The following MDGA1 variants were observed in gnomAD, a reference collection of about 807,000 sequenced individuals.
MDGA1 encodes MAM domain-containing glycosylphosphatidylinositol anchor protein 1.
A neutral mutation model predicts 101.5 loss-of-function variants in MDGA1; 54 were observed. The observed-to-expected ratio is 0.53, with a 90% CI of 0.43 to 0.67. The LOEUF is 0.67. Ranked by LOEUF, MDGA1 falls within the 30% of genes least tolerant of loss-of-function variation. MDGA1 has a pLI of 0.00. For missense variants in MDGA1, 1,083 were observed against 1,323.8 expected, an observed-to-expected ratio of 0.82 and a Z score of 2.82; for synonymous variants, 533 against 558.3, an observed-to-expected ratio of 0.95 and a Z score of 0.64.
chr6:37,652,132 G>C lies in MDGA1; in HGVS notation c.1191C>G (p.Thr397=), dbSNP rs768355120. 1 of 1,613,922 alleles carries C rather than the reference G, an allele frequency of 6.2e-7. No homozygotes were observed. Among genetic ancestry groups the C allele is most frequent in the South Asian group, 1.1e-5 (1 of 91,084 alleles). Residue 397 remains threonine, a synonymous_variant, in exon 7 of 17, where the codon ACC becomes ACG. Transcript: ENST00000434837. This position sits in a 1 kb window ranked among gnomAD's most constrained non-coding sequence, Gnocchi z 4.3. ...TRNDPELPAV[T]SSLELIDLHF... ...GCAGGTCAATGAGCTCTAGGCTGCT[G>C]GTGACTGCGGGCAGCTCAGGATCAT... is the stretch of plus-strand genomic sequence containing the variant.
At position 37,638,494 on chromosome 6, in the gene MDGA1, AC is replaced by A; in HGVS notation, c.2667+42del. 5.0e-6 allele frequency: 8 copies of A among 1,610,792 alleles called. No individual in the cohort carries two copies. The highest frequency in any genetic ancestry group is 6.8e-6 in the Non-Finnish European group (8 of 1,177,922). ...TCCTAAGTGTTTCCTGGCCACAGCA[AC>A]CACCGAAGCCGGGGAGGGTCCTCTG... is the stretch of plus-strand genomic sequence containing the variant. On this transcript the variant is annotated intron_variant, in intron 15 of 16. Coordinates refer to ENST00000434837, the MANE Select transcript of MDGA1 (RefSeq NM_153487.4). This position sits in a 1 kb window ranked among gnomAD's most constrained non-coding sequence, Gnocchi z 4.8.
At chr6:37,676,296 G>A (rs1236990268) in intron 1 of MDGA1, among the ~76,000 whole-genome samples, 1 of 152,238 alleles carries the variant, frequency 6.6e-6, no homozygotes, top group Non-Finnish European at 1.5e-5. Context: ...CAGAGCCTGG[G>A]CCAGGAAGTG....
rs1044514491 is a variant in MDGA1, at chr6:37,655,511, T to C, written c.579+189A>G. The stretch of plus-strand genomic sequence containing the variant: ...TGCCTCGGGGACACTCCTGCCCTCA[T>C]TGCTGCTCCCTGACCTTTCCATCTG... On this transcript the variant is annotated intron_variant, in intron 4 of 16. Coordinates refer to ENST00000434837, the MANE Select transcript of MDGA1 (RefSeq NM_153487.4). The surrounding 1 kb of genome is among the most constrained non-coding windows in gnomAD (Gnocchi z 5.1). The C allele has an allele frequency of 2.2e-5, 13 of 579,398 alleles. No individual in the cohort carries two copies. The African/African-American group carries it at 2.4e-4, about 11-fold the overall frequency. 35.9% of individuals were successfully genotyped at this position (579,398 alleles called of 1,614,324 possible). A position where few individuals can be genotyped will look rare whatever the true frequency, so the allele number is the denominator to read the frequency against.
rs1763827127 is a variant in MDGA1, at chr6:37,631,732, C to T, written c.*5636G>A. 1 of 152,090 alleles carries T rather than the reference C, an allele frequency of 6.6e-6. No individual in the cohort carries two copies. Among genetic ancestry groups the T allele is most frequent in the African/African-American group, 2.4e-5 (1 of 41,406 alleles). The allele number at this position is 152,090 out of a possible 1,614,324, so 9.4% of individuals were successfully genotyped here. A position where few individuals can be genotyped will look rare whatever the true frequency, so the allele number is the denominator to read the frequency against. On this transcript the variant is annotated 3_prime_UTR_variant, in exon 17 of 17. Transcript: ENST00000434837. The stretch of plus-strand genomic sequence containing the variant: ...GAAATAAGTGACCTTTAAGGACCTC[C>T]TAGCTCTGAAATTCTAGAATTCTGA...
chr6:37,694,447 G>C (rs540469996), intron 1 of MDGA1, among the ~76,000 whole-genome samples: 1 of 152,332 alleles, frequency 6.6e-6, no homozygotes, highest in Non-Finnish European at 1.5e-5. Flanking sequence ...GCAATGCCAG[G>C]CTGGAGTGGC....
In MDGA1 at chr6:37,697,332, C is replaced by G. The variant is rs1023326784; in HGVS notation, c.-521G>C. The G allele has an allele frequency of 6.6e-6, 1 of 152,272 alleles. No individual in the cohort carries two copies. The highest frequency in any genetic ancestry group is 1.5e-5 in the Non-Finnish European group (1 of 68,130). 9.4% of individuals were successfully genotyped at this position (152,272 alleles called of 1,614,324 possible). ...GGCCGCTGCCGTGGGCTCAGCGGCC[C>G]GACTCCAGGGGGCCGGGCTGAAAGC... On this transcript the variant is annotated 5_prime_UTR_variant, in exon 1 of 17. Transcript: ENST00000434837.
Position 37,648,612 on chromosome 6 carries a change from T to C in MDGA1, c.1894+370A>G, listed in dbSNP as rs1183019304. 3 of 312,516 alleles carry C rather than the reference T, an allele frequency of 9.6e-6. No homozygotes were observed. The East Asian group carries it at 2.0e-4, about 20-fold the overall frequency. 19.4% of individuals were successfully genotyped at this position (312,516 alleles called of 1,614,324 possible). On this transcript the variant is annotated intron_variant, in intron 9 of 16. Coordinates refer to ENST00000434837, the MANE Select transcript of MDGA1 (RefSeq NM_153487.4). ...CCTAGGCCTGTGGGAAGGCTATGTT[T>C]GAAAGCGGCGCGGTTGTCACACGCC...
intron 1 of MDGA1, among the ~76,000 whole-genome samples, chr6:37,689,621 A>G (rs1294795555): frequency 6.6e-6 from 1 of 152,188 alleles, no homozygotes; most frequent in Non-Finnish European, 1.5e-5. Context: ...TGTGGGGCAG[A>G]GCTGGGATTC....
Position 37,658,423 on chromosome 6 carries a change from G to C in MDGA1, c.208-4C>G, listed in dbSNP as rs774696673. The stretch of plus-strand genomic sequence containing the variant: ...CTGCCGTCTTGGTCCACCGTACCTG[G>C]GCCGCCAGGCGGGGCAGAGTCAGAC... On this transcript the variant is annotated splice_region_variant and splice_polypyrimidine_tract_variant and intron_variant, in intron 2 of 16. Transcript: ENST00000434837. 8 of 1,602,656 alleles carry C rather than the reference G, an allele frequency of 5.0e-6. No individual in the cohort carries two copies. The highest frequency in any genetic ancestry group is 6.8e-6 in the Non-Finnish European group (8 of 1,174,330).
chr6:37,692,142 A>C (rs1217572572), intron 1 of MDGA1, among the ~76,000 whole-genome samples: 1 of 151,982 alleles, frequency 6.6e-6, no homozygotes, highest in East Asian at 1.9e-4. Context: ...GGTGAGGCCC[A>C]CAGGAGCCCA....
At position 37,696,788 on chromosome 6, in the gene MDGA1, A is replaced by T; in HGVS notation, c.24T>A (p.Leu8=). The T allele has an allele frequency of 6.3e-7, 1 of 1,582,242 alleles. No individual in the cohort carries two copies. The highest frequency in any genetic ancestry group is 8.6e-7 in the Non-Finnish European group (1 of 1,163,626). The change falls in exon 1 of 17, where the codon CTT becomes CTA. Residue 8 remains leucine (L), a synonymous_variant. Transcript: ENST00000434837. This position sits in a 1 kb window ranked among gnomAD's most constrained non-coding sequence, Gnocchi z 5.6. MEVTCLL[L]LALIPFHCRG... Reference sequence around the variant, plus strand: ...GGCAGTGGAAGGGGATCAGCGCCAGAAGTAGAAGGCAGGTCACCTCCATCT... The same window carrying T: ...GGCAGTGGAAGGGGATCAGCGCCAGTAGTAGAAGGCAGGTCACCTCCATCT...
At chr6:37,654,688 G>A in intron 5 of MDGA1, 112 bp downstream of exon 5, 1 of 1,540,622 alleles carries the variant, frequency 6.5e-7, no homozygotes, top group Non-Finnish European at 8.9e-7. Flanking sequence ...GAGGAGGGGA[G>A]GGGCCAGACA....
rs771552765 is a variant in MDGA1, at chr6:37,638,499, C to T, written c.2667+38G>A. On this transcript the variant is annotated intron_variant, in intron 15 of 16. Transcript: ENST00000434837. The surrounding 1 kb of genome is among the most constrained non-coding windows in gnomAD (Gnocchi z 4.8). Reference sequence around the variant, plus strand: ...AGTGTTTCCTGGCCACAGCAACCACCGAAGCCGGGGAGGGTCCTCTGGGCC... The same window carrying T: ...AGTGTTTCCTGGCCACAGCAACCACTGAAGCCGGGGAGGGTCCTCTGGGCC... 11 of 1,611,194 alleles carry T rather than the reference C, an allele frequency of 6.8e-6. No individual in the cohort carries two copies. The highest frequency in any genetic ancestry group is 5.0e-5 in the Admixed American group (3 of 59,888).
chr6:37,642,431 C>G (rs568861545), intron 14 of MDGA1, among the ~76,000 whole-genome samples: 2 of 152,144 alleles, frequency 1.3e-5, no homozygotes, highest in East Asian at 3.9e-4. Context: ...CTCGGCCTCC[C>G]AAAGTGCTGG....
Position 37,654,331 on chromosome 6 carries a change from T to C in MDGA1, c.925A>G (p.Thr309Ala), listed in dbSNP as rs1327641476. Reference sequence around the variant, plus strand: ...GGGTTGCCCACATTGTTGGTGGCTGTGCAGTTGTAGTAGCCAGAGTCCCGG... The same window carrying C: ...GGGTTGCCCACATTGTTGGTGGCTGCGCAGTTGTAGTAGCCAGAGTCCCGG... ...QARDSGYYNC[T>A]ATNNVGNPAK... The change falls in exon 6 of 17, where the codon ACA becomes GCA. Residue 309 changes from threonine (T) to alanine (A), a missense_variant. By Grantham distance (58) the Thr-to-Ala change is moderately conservative (BLOSUM62 0). This residue lies in a region of MDGA1 where 116 missense variants were observed against 196.6 expected (regional missense o/e 0.59). Coordinates refer to ENST00000434837, the MANE Select transcript of MDGA1 (RefSeq NM_153487.4). 1 of 1,602,326 alleles carries C rather than the reference T, an allele frequency of 6.2e-7. No individual in the cohort carries two copies. The highest frequency in any genetic ancestry group is 8.5e-7 in the Non-Finnish European group (1 of 1,173,540).
intron 7 of MDGA1, among the ~76,000 whole-genome samples, chr6:37,651,416 C>T (rs35787789): frequency 0.025 from 3,736 of 152,308 alleles, 135 homozygotes; most frequent in African/African-American, 0.074. Context: ...CTCTACAAGG[C>T]AAGCTGAGGT....
In MDGA1 at chr6:37,663,992, A is replaced by T. The variant is rs10947690; in HGVS notation, c.182T>A (p.Leu61His). 2 of 1,613,766 alleles carry T rather than the reference A, an allele frequency of 1.2e-6. No individual in the cohort carries two copies. Among genetic ancestry groups the T allele is most frequent in the Non-Finnish European group, 1.7e-6 (2 of 1,179,780 alleles). The change falls in exon 2 of 17, where the codon CTT becomes CAT. Residue 61 changes from leucine to histidine, a missense_variant. Physicochemically the swap from Leu to His is moderately conservative, Grantham distance 99 (BLOSUM62 -3). Transcript: ENST00000434837. The part of the protein sequence containing the change: ...REGDTLMLQC[L>H]VTGHPRPQVR... ...CTGGGGTCGAGGGTGCCCTGTTACA[A>T]GGCACTGCAGCATGAGGGTGTCCCC...
In MDGA1 at chr6:37,652,158, T is replaced by C. The variant is rs906792308; in HGVS notation, c.1165A>G (p.Asn389Asp). Reference protein sequence around the residue: ...RMSKRLLVTRNDPELPAVTSS... With the variant: ...RMSKRLLVTRDDPELPAVTSS... ...GTGACTGCGGGCAGCTCAGGATCAT[T>C]GCGGGTCACCAGCAGCCGCTTGGAC... is the stretch of plus-strand genomic sequence containing the variant. The change falls in exon 7 of 17, where the codon AAT (asparagine) becomes GAT (aspartate). Residue 389 changes from asparagine (N) to aspartate (D), a missense_variant. This residue lies in a region of MDGA1 where 116 missense variants were observed against 196.6 expected (regional missense o/e 0.59). Transcript: ENST00000434837. This position sits in a 1 kb window ranked among gnomAD's most constrained non-coding sequence, Gnocchi z 4.3. 3 of 1,613,796 alleles carry C rather than the reference T, an allele frequency of 1.9e-6. No individual in the cohort carries two copies. The highest frequency in any genetic ancestry group is 2.5e-6 in the Non-Finnish European group (3 of 1,179,886).
chr6:37,666,191 C>CAAA (rs146449734), intron 1 of MDGA1, among the ~76,000 whole-genome samples: 15,350 of 121,928 alleles, frequency 0.13, 967 homozygotes, highest in African/African-American at 0.15. Flanking sequence ...ACTAAAAATA[C>CAAA]AAAAAAAAAA....
Sources: allele counts gnomAD v4.1 joint callset (sites outside exome capture counted in the v4.1 genomes callset), GRCh38; gene constraint gnomAD v4.1.1; regional missense constraint gnomAD v4.1.1; non-coding constraint Gnocchi (gnomAD v3.1); transcripts MANE v1.5; gene names NCBI Gene and HGNC (gene_info 2026-07-23, HGNC 2026-07-21).